BBS9: variants seen among roughly 807,000 people sequenced by gnomAD.
BBS9 encodes the protein Bardet-Biedl syndrome 9, also known as protein PTHB1.
In BBS9, 89 loss-of-function variants were observed where a neutral mutation model predicts 117.7. That is an observed-to-expected ratio of 0.76 (90% CI 0.64 to 0.90). The LOEUF is 0.90. BBS9 is among the 40% of genes least tolerant of loss of function. The pLI is 0.00. For synonymous variants in BBS9, 379 were observed against 370.9 expected (o/e 1.02, Z -0.25); for missense variants, 982 against 1,042.2 (o/e 0.94, Z 0.80).
At chr7:33,361,326 GT>G (rs1820581294) in intron 16 of BBS9, among the ~76,000 whole-genome samples, 1 of 152,118 alleles carries the variant, frequency 6.6e-6, no homozygotes, top group Admixed American at 6.5e-5. Flanking sequence ...GCTCAAGTAT[GT>G]TTCTACATTT....
intron 12 of BBS9, among the ~76,000 whole-genome samples, chr7:33,346,644 T>C (rs1817640565): frequency 6.6e-6 from 1 of 152,208 alleles, no homozygotes; most frequent in South Asian, 2.1e-4. Flanking sequence ...ATCTCCTTGA[T>C]TTGTATTTTG....
intron 5 of BBS9, among the ~76,000 whole-genome samples, chr7:33,234,428 T>C (rs765977172): frequency 9.9e-5 from 15 of 152,138 alleles, no homozygotes; most frequent in Non-Finnish European, 2.1e-4. Context: ...TTCACCACAA[T>C]CAAGCAATTA....
intron 19 of BBS9, among the ~76,000 whole-genome samples, chr7:33,396,383 A>C (rs887653574): frequency 2.6e-5 from 4 of 152,184 alleles, no homozygotes; most frequent in African/African-American, 7.2e-5. Context: ...TAACTGAAAA[A>C]AGCAGATTAT....
intron 5 of BBS9, among the ~76,000 whole-genome samples, chr7:33,251,707 C>T (rs2128302220): frequency 6.6e-6 from 1 of 152,258 alleles, no homozygotes; most frequent in African/African-American, 2.4e-5. Flanking sequence ...GGTCTAGTTT[C>T]CATACATTAT....
At chr7:33,222,666 C>T (rs534823938) in intron 5 of BBS9, among the ~76,000 whole-genome samples, 41 of 151,758 alleles carry the variant, frequency 2.7e-4, no homozygotes, top group Non-Finnish European at 1.9e-4. Context: ...TTTTTTGTGG[C>T]GCCAGGTGCG....
intron 16 of BBS9, among the ~76,000 whole-genome samples, chr7:33,365,850 G>A (rs1821596844): frequency 6.6e-6 from 1 of 152,244 alleles, no homozygotes; most frequent in Admixed American, 6.5e-5. Context: ...CTGGCTCTGG[G>A]TTACAGGATG....
chr7:33,312,950 A>G (rs1226467467), intron 9 of BBS9, among the ~76,000 whole-genome samples: 2 of 151,932 alleles, frequency 1.3e-5, no homozygotes. Flanking sequence ...CTATGCTTGA[A>G]ACATCATTGG....
At chr7:33,625,745 T>G (rs986598760) in intron 21 of BBS9, among the ~76,000 whole-genome samples, 6 of 152,226 alleles carry the variant, frequency 3.9e-5, no homozygotes, top group Non-Finnish European at 7.4e-5. Flanking sequence ...AATGCTGATA[T>G]TTTTCCTCAT....
At chr7:33,593,070 A>G (rs1462808905) in intron 21 of BBS9, among the ~76,000 whole-genome samples, 1 of 152,164 alleles carries the variant, frequency 6.6e-6, no homozygotes, top group African/African-American at 2.4e-5. Flanking sequence ...TCTTAAAATT[A>G]TGTGTCTTTC....
intron 9 of BBS9, among the ~76,000 whole-genome samples, chr7:33,307,617 C>T (rs573928112): frequency 6.6e-6 from 1 of 151,978 alleles, no homozygotes; most frequent in South Asian, 2.1e-4. Flanking sequence ...TTGCTTATAA[C>T]CTATGTACAT....
intron 5 of BBS9, among the ~76,000 whole-genome samples, chr7:33,189,141 C>T (rs1783632941): frequency 1.3e-5 from 2 of 152,164 alleles, no homozygotes; most frequent in Admixed American, 6.5e-5. Context: ...CTGCCTCAGC[C>T]TCCTGAGTAG....
intron 6 of BBS9, among the ~76,000 whole-genome samples, chr7:33,261,741 G>A (rs1421200610): frequency 1.3e-5 from 2 of 152,232 alleles, no homozygotes; most frequent in African/African-American, 4.8e-5. Context: ...TGTTATTGGT[G>A]CACTACAGGA....
At chr7:33,559,446 C>G (rs1482017084) in intron 21 of BBS9, among the ~76,000 whole-genome samples, 1 of 152,018 alleles carries the variant, frequency 6.6e-6, no homozygotes, top group African/African-American at 2.4e-5. Flanking sequence ...AGGATTATGA[C>G]TTCATCATTT....
At chr7:33,221,028 T>C (rs982077674) in intron 5 of BBS9, among the ~76,000 whole-genome samples, 6 of 152,248 alleles carry the variant, frequency 3.9e-5, no homozygotes, top group Non-Finnish European at 7.3e-5. Context: ...ATGCAGTTTC[T>C]CCTGCCTAGA....
At chr7:33,145,322 A>T (rs996247212) in intron 1 of BBS9, among the ~76,000 whole-genome samples, 3 of 152,174 alleles carry the variant, frequency 2.0e-5, no homozygotes, top group African/African-American at 7.2e-5. Context: ...GCTGTGTTGT[A>T]ATTCAAAAGG....
chr7:33,229,600 A>G (rs1413099051), intron 5 of BBS9, among the ~76,000 whole-genome samples: 1 of 152,160 alleles, frequency 6.6e-6, no homozygotes, highest in Admixed American at 6.6e-5. Flanking sequence ...TATTTATAGT[A>G]ATACAATAAT....
chr7:33,136,913 T>C (rs1790565993), intron 1 of BBS9, among the ~76,000 whole-genome samples: 1 of 152,192 alleles, frequency 6.6e-6, no homozygotes, highest in Non-Finnish European at 1.5e-5. Context: ...TTTAATTGTT[T>C]AGTAGAGTCC....
intron 19 of BBS9, among the ~76,000 whole-genome samples, chr7:33,489,797 A>C (rs756386763): frequency 6.6e-6 from 1 of 152,156 alleles, no homozygotes; most frequent in Non-Finnish European, 1.5e-5. Context: ...ATTTCCTATC[A>C]CTCATGAACG....
chr7:33,398,748 T>A (rs182167617), intron 19 of BBS9, among the ~76,000 whole-genome samples: 344 of 152,322 alleles, frequency 2.3e-3, no homozygotes, highest in African/African-American at 8.1e-3. Flanking sequence ...ATTAATTAAT[T>A]TATTTTTTGA....
Sources: gnomAD v4.1 joint callset for allele counts (sites outside exome capture counted in the v4.1 genomes callset) on GRCh38, gnomAD v4.1.1 for gene constraint, MANE v1.5 for transcripts, NCBI Gene and HGNC (gene_info 2026-07-23, HGNC 2026-07-21) for gene names.